Variants in EEFSEC observed in about 807,000 individuals in gnomAD.
EEFSEC encodes eukaryotic elongation factor, selenocysteine-tRNA specific, also known as selenocysteine-specific elongation factor.
Under a neutral mutation model 42.1 loss-of-function variants are expected in EEFSEC, and 43 were observed. The observed-to-expected ratio is 1.02, with a 90% CI of 0.80 to 1.32. The LOEUF (loss-of-function observed/expected upper bound fraction) is 1.32. EEFSEC is among the 40% of genes most tolerant of loss of function. The pLI, the probability that EEFSEC is intolerant of heterozygous loss-of-function variation, is 0.00. For missense variants in EEFSEC, 745 were observed against 803.6 expected, an observed-to-expected ratio of 0.93 and a Z score of 0.88; for synonymous variants, 354 against 339.1, an observed-to-expected ratio of 1.04 and a Z score of -0.48.
intron 5 of EEFSEC, 31 bp downstream of exon 5, chr3:128,341,920 C>G: frequency 6.3e-7 from 1 of 1,593,544 alleles, no homozygotes; most frequent in Non-Finnish European, 8.6e-7. Flanking sequence ...CCCCACACCC[C>G]TTCCCTTCTT....
chr3:128,321,474 C>T (rs1320137994), intron 4 of EEFSEC, among the ~76,000 whole-genome samples: 1 of 152,118 alleles, frequency 6.6e-6, no homozygotes, highest in Non-Finnish European at 1.5e-5. Context: ...GTTCAGGCCT[C>T]TGTCCCAGGC....
At chr3:128,282,170 C>T (rs2066533233) in intron 4 of EEFSEC, among the ~76,000 whole-genome samples, 1 of 152,236 alleles carries the variant, frequency 6.6e-6, no homozygotes, top group African/African-American at 2.4e-5. Flanking sequence ...GAGCAGAGTT[C>T]TCACCTCCTG....
chr3:128,387,099 T>G (rs2067849243), intron 6 of EEFSEC, among the ~76,000 whole-genome samples: 1 of 152,168 alleles, frequency 6.6e-6, no homozygotes, highest in Non-Finnish European at 1.5e-5. Flanking sequence ...GGCAGCTCCC[T>G]CAGGGCTGGC....
chr3:128,272,250 G>A (rs891006743), intron 4 of EEFSEC, among the ~76,000 whole-genome samples: 1 of 152,194 alleles, frequency 6.6e-6, no homozygotes, highest in Admixed American at 6.5e-5. Context: ...TCACGCTATC[G>A]AAGGATCCGT....
chr3:128,319,028 A>C (rs1027980304), intron 4 of EEFSEC, among the ~76,000 whole-genome samples: 6 of 152,204 alleles, frequency 3.9e-5, no homozygotes, highest in African/African-American at 1.2e-4. Flanking sequence ...CAACACATGA[A>C]GTTTCTGCCC....
rs892217024 is a variant in EEFSEC, at chr3:128,207,604, C to T, written c.317-39232C>T. 1.3e-4 allele frequency among the ~76,000 whole-genome samples: 19 copies of T among 150,132 alleles called. No homozygotes were observed. The East Asian group carries it at 2.4e-3, about 19-fold the overall frequency. On this transcript the variant is annotated intron_variant, in intron 1 of 6. Coordinates refer to ENST00000254730, the MANE Select transcript of EEFSEC (RefSeq NM_021937.5). ...ACACACACACACACACACACACACA[C>T]GCTTAACAAGATAAGGATAACGTAA...
At chr3:128,424,491 C>T in the EEFSEC span, among the ~76,000 whole-genome samples, 1 of 152,072 alleles carries the variant, frequency 6.6e-6, no homozygotes, top group South Asian at 2.1e-4. Flanking sequence ...TCATGATCCT[C>T]CTGCCTCAGC....
At chr3:128,326,516 G>T (rs1449947285) in intron 4 of EEFSEC, among the ~76,000 whole-genome samples, 8 of 152,154 alleles carry the variant, frequency 5.3e-5, no homozygotes, top group Admixed American at 4.6e-4. Context: ...TCATCTTATG[G>T]TGGTGGCTTC....
intron 6 of EEFSEC, chr3:128,362,182 A>G (rs1387841079): frequency 1.9e-6 from 1 of 520,248 alleles, no homozygotes; most frequent in African/African-American, 1.9e-5. Flanking sequence ...CACCGCTGCC[A>G]CCCTCCCCTC....
chr3:128,370,260 T>C (rs1259213118), intron 6 of EEFSEC, among the ~76,000 whole-genome samples: 1 of 152,180 alleles, frequency 6.6e-6, no homozygotes, highest in African/African-American at 2.4e-5. Flanking sequence ...CTGCCCATCA[T>C]AGGCAATGCT....
chr3:128,268,225 A>G (rs1310995849), intron 4 of EEFSEC, among the ~76,000 whole-genome samples: 4 of 152,172 alleles, frequency 2.6e-5, no homozygotes, highest in Non-Finnish European at 5.9e-5. Context: ...GAAGTAGGTA[A>G]ATTGTTTTCT....
chr3:128,368,496 G>T (rs527593068), intron 6 of EEFSEC, among the ~76,000 whole-genome samples: 16 of 151,416 alleles, frequency 1.1e-4, no homozygotes, highest in Admixed American at 1.1e-3. Flanking sequence ...CACAAGAAAT[G>T]AAGTTTTCTG....
intron 1 of EEFSEC, among the ~76,000 whole-genome samples, chr3:128,162,144 T>G (rs2065195621): frequency 6.6e-6 from 1 of 152,260 alleles, no homozygotes; most frequent in Admixed American, 6.5e-5. Flanking sequence ...TCAGCTTTAC[T>G]TCTTTAGTTC....
chr3:128,367,613 GC>G (rs766147637), intron 6 of EEFSEC: 4 of 984,798 alleles, frequency 4.1e-6, no homozygotes, highest in Non-Finnish European at 4.8e-6. Flanking sequence ...CCGTGAGACT[GC>G]AACATTGCTG....
intron 6 of EEFSEC, among the ~76,000 whole-genome samples, chr3:128,392,668 G>A (rs918856615): frequency 2.1e-4 from 32 of 152,350 alleles, no homozygotes; most frequent in African/African-American, 6.5e-4. Flanking sequence ...TGCCCCTCAC[G>A]CCAAGCTCCC....
intron 6 of EEFSEC, among the ~76,000 whole-genome samples, chr3:128,400,820 C>T (rs1222053121): frequency 6.6e-6 from 1 of 152,218 alleles, no homozygotes; most frequent in African/African-American, 2.4e-5. Context: ...CCGCATTCTT[C>T]CCTGATTACC....
At chr3:128,417,528 C>A in the EEFSEC span, among the ~76,000 whole-genome samples, 2 of 152,120 alleles carry the variant, frequency 1.3e-5, no homozygotes, top group African/African-American at 2.4e-5. This position sits in a 1 kb window ranked among gnomAD's most constrained non-coding sequence, Gnocchi z 4.3. Context: ...CTGGGCTCTC[C>A]CACTCTCAGC....
intron 6 of EEFSEC, among the ~76,000 whole-genome samples, chr3:128,373,132 T>G (rs1161285138): frequency 2.0e-5 from 3 of 152,006 alleles, no homozygotes; most frequent in Non-Finnish European, 4.4e-5. Context: ...TGGAATGACT[T>G]GCACGAGGTC....
chr3:128,302,354 G>A (rs1359675055), intron 4 of EEFSEC, among the ~76,000 whole-genome samples: 1 of 152,170 alleles, frequency 6.6e-6, no homozygotes, highest in Non-Finnish European at 1.5e-5. Context: ...ATTAATAAAG[G>A]AGGGTGAAGG....
Sources: gnomAD v4.1 joint callset for allele counts (sites outside exome capture counted in the v4.1 genomes callset) on GRCh38, gnomAD v4.1.1 for gene constraint, Gnocchi (gnomAD v3.1) non-coding constraint, MANE v1.5 for transcripts, NCBI Gene and HGNC (gene_info 2026-07-23, HGNC 2026-07-21) for gene names.